A4GALT: variants seen among roughly 807,000 people sequenced by gnomAD.
The protein encoded by A4GALT is lactosylceramide 4-alpha-galactosyltransferase.
For missense variants in A4GALT, 512 were observed against 486.0 expected, an observed-to-expected ratio of 1.05 and a Z score of -0.50; for synonymous variants, 257 against 220.7, an observed-to-expected ratio of 1.16 and a Z score of -1.46.
intron 1 of A4GALT, among the ~76,000 whole-genome samples, chr22:42,699,816 TG>T (rs1232361861): frequency 6.6e-6 from 1 of 152,168 alleles, no homozygotes; most frequent in Non-Finnish European, 1.5e-5. Context: ...TGGGTGTGTC[TG>T]GGGGTGTTTC....
At chr22:42,716,482 G>T (rs1359359219) in intron 1 of A4GALT, among the ~76,000 whole-genome samples, 2 of 152,140 alleles carry the variant, frequency 1.3e-5, no homozygotes, top group African/African-American at 4.8e-5. Flanking sequence ...GCTTTGACTT[G>T]TTCAATCCCT....
intron 1 of A4GALT, among the ~76,000 whole-genome samples, chr22:42,708,487 G>T (rs912697079): frequency 1.3e-5 from 2 of 150,878 alleles, no homozygotes; most frequent in African/African-American, 2.4e-5. Flanking sequence ...CCATGATGGT[G>T]CCACTGCACT....
chr22:42,720,910 C>T (rs1452943297), upstream of A4GALT: 1 of 19,500 alleles, frequency 5.1e-5, no homozygotes, highest in African/African-American at 2.3e-4. Context: ...CCCTCCGGCC[C>T]GGGGCGGGGT....
chr22:42,706,365 A>AG (rs1274624083), intron 1 of A4GALT, among the ~76,000 whole-genome samples: 4 of 151,030 alleles, frequency 2.6e-5, no homozygotes, highest in Admixed American at 6.6e-5. Context: ...AAAAAAAAAA[A>AG]AAAAAAAAAA....
At chr22:42,698,549 C>A (rs947593659) in intron 1 of A4GALT, among the ~76,000 whole-genome samples, 1 of 152,236 alleles carries the variant, frequency 6.6e-6, no homozygotes. Flanking sequence ...CCGCACTGAG[C>A]CCTCCATCCA....
In A4GALT at chr22:42,706,527, G is replaced by A. The variant is rs528934143; in HGVS notation, c.-187-10896C>T. ...AATATAAGAACAGCCGGGTGCGGTC[G>A]CTTACGCCTGTAATCTCAGCACTTT... On this transcript the variant is annotated intron_variant, in intron 1 of 2. Coordinates refer to ENST00000642412, the MANE Select transcript of A4GALT (RefSeq NM_017436.7). 2.0e-5 allele frequency among the ~76,000 whole-genome samples: 3 copies of A among 151,854 alleles called. No homozygotes were observed. The South Asian group carries it at 6.2e-4, about 32-fold the overall frequency.
At position 42,703,057 on chromosome 22, in the gene A4GALT, CTGTGTGTG is replaced by C. The variant is rs71311456; in HGVS notation, c.-187-7434_-187-7427del. On this transcript the variant is annotated intron_variant, in intron 1 of 2. Transcript: ENST00000642412. Reference sequence around the variant, plus strand: ...GCCTTGGCTGGCACATGCTGCCCTGCTGTGTGTGTGTGTGTGTGTGTGTGTGTGAGAGA... The same window carrying C: ...GCCTTGGCTGGCACATGCTGCCCTGCTGTGTGTGTGTGTGTGTGTGAGAGA... Among the ~76,000 whole-genome samples the C allele has an allele frequency of 3.4e-4, 46 of 134,338 alleles. 2 individuals are homozygous for C. The highest frequency in any genetic ancestry group is 1.4e-3 in the African/African-American group (42 of 30,934). The allele number at this position is 134,338 out of a possible 152,430, so 88.1% of individuals were successfully genotyped here.
At chr22:42,703,272 T>A (rs1184437938) in intron 1 of A4GALT, among the ~76,000 whole-genome samples, 2 of 150,692 alleles carry the variant, frequency 1.3e-5, no homozygotes, top group Non-Finnish European at 3.0e-5. Flanking sequence ...TTTTTTTTTT[T>A]TGAGACAGAG....
chr22:42,707,906 G>A (rs1442307346), intron 1 of A4GALT, among the ~76,000 whole-genome samples: 2 of 150,990 alleles, frequency 1.3e-5, no homozygotes, highest in African/African-American at 4.9e-5. Context: ...AGGCTGGGGT[G>A]GGAGGATCGT....
Position 42,693,814 on chromosome 22 carries a change from G to C in A4GALT, c.138C>G (p.Pro46=), listed in dbSNP as rs1238903491. 5 of 1,605,362 alleles carry C rather than the reference G, an allele frequency of 3.1e-6. No individual in the cohort carries two copies. The highest frequency in any genetic ancestry group is 1.7e-5 in the Admixed American group (1 of 58,546). ...IMIYWHVVGE[P]KEKGQLYNLP... ...GGTTATAGAGCTGCCCTTTCTCCTT[G>C]GGCTCTCCCACAACGTGCCAGTAGA... The change falls in exon 3 of 3, where the codon CCC becomes CCG. Residue 46 remains proline (P), a synonymous_variant. Transcript: ENST00000642412.
At position 42,720,818 on chromosome 22, in the gene A4GALT, G is replaced by A; in HGVS notation, c.-209C>T. On this transcript the variant is annotated 5_prime_UTR_variant, in exon 1 of 3. Transcript: ENST00000642412. Reference sequence around the variant, plus strand: ...GTACCTCTAGCTCCAGCGGCGGCGGGCGGCGGACAGCGGGGCCCCGGCGGG... The same window carrying A: ...GTACCTCTAGCTCCAGCGGCGGCGGACGGCGGACAGCGGGGCCCCGGCGGG... 1 of 97,432 alleles carries A rather than the reference G, an allele frequency of 1.0e-5. No individual in the cohort carries two copies. Among genetic ancestry groups the A allele is most frequent in the Admixed American group, 1.1e-4 (1 of 8,808 alleles). 6.0% of individuals were successfully genotyped at this position (97,432 alleles called of 1,614,324 possible).
chr22:42,692,370 T>C lies in A4GALT; in HGVS notation c.*520A>G. On this transcript the variant is annotated 3_prime_UTR_variant, in exon 3 of 3. Transcript: ENST00000642412. This position sits in a 1 kb window ranked among gnomAD's most constrained non-coding sequence, Gnocchi z 4.6. ...ACTTCTGGGCCTCTGCCCCACTCAG[T>C]CCCTGTTGACCTCCCCCACCCCCCG... is the stretch of plus-strand genomic sequence containing the variant. 3.3e-6 allele frequency: 1 copy of C among 306,358 alleles called. No individual in the cohort carries two copies. The highest frequency in any genetic ancestry group is 6.4e-6 in the Non-Finnish European group (1 of 156,074). The allele number at this position is 306,358 out of a possible 1,614,324, so 19.0% of individuals were successfully genotyped here.
chr22:42,692,595 A>T lies in A4GALT; in HGVS notation c.*295T>A, dbSNP rs1223248064. On this transcript the variant is annotated 3_prime_UTR_variant, in exon 3 of 3. Coordinates refer to ENST00000642412, the MANE Select transcript of A4GALT (RefSeq NM_017436.7). This position sits in a 1 kb window ranked among gnomAD's most constrained non-coding sequence, Gnocchi z 4.6. ...TCCCAACTGCCTGGCTTTCCGCACC[A>T]CCTGGGGGTGCCCTGAGGTTCATCC... 5 of 552,520 alleles carry T rather than the reference A, an allele frequency of 9.0e-6. 1 individual carries two copies. The highest frequency in any genetic ancestry group is 7.8e-5 in the South Asian group (5 of 64,508). The allele number at this position is 552,520 out of a possible 1,614,324, so 34.2% of individuals were successfully genotyped here. A position where few individuals can be genotyped will look rare whatever the true frequency, so the allele number is the denominator to read the frequency against.
At position 42,705,706 on chromosome 22, in the gene A4GALT, T is replaced by C. The variant is rs1921018805; in HGVS notation, c.-187-10075A>G. ...CATGAATTTAAAAATAAAAACACTTTAAAAAGTAATTCCAGGCCAGGTGCG... is the reference window on the plus strand; with the variant it reads ...CATGAATTTAAAAATAAAAACACTTCAAAAAGTAATTCCAGGCCAGGTGCG... On this transcript the variant is annotated intron_variant, in intron 1 of 2. Transcript: ENST00000642412. Among the ~76,000 whole-genome samples, 2 of 124,684 alleles carry C rather than the reference T, an allele frequency of 1.6e-5. 1 individual carries two copies. The highest frequency in any genetic ancestry group is 5.2e-5 in the African/African-American group (2 of 38,562). 81.8% of individuals were successfully genotyped at this position (124,684 alleles called of 152,430 possible). A position where few individuals can be genotyped will look rare whatever the true frequency, so the allele number is the denominator to read the frequency against.
At chr22:42,695,950 T>G (rs544936428) in intron 1 of A4GALT, among the ~76,000 whole-genome samples, 2 of 151,794 alleles carry the variant, frequency 1.3e-5, no homozygotes, top group South Asian at 4.2e-4. Flanking sequence ...TGGTGAAACC[T>G]CGTCTCTACT....
chr22:42,720,189 C>T (rs1486852971), intron 1 of A4GALT, among the ~76,000 whole-genome samples: 1 of 152,188 alleles, frequency 6.6e-6, no homozygotes, highest in Non-Finnish European at 1.5e-5. Context: ...GCGACTCCAA[C>T]CGGCTCGCCC....
At position 42,697,221 on chromosome 22, in the gene A4GALT, G is replaced by A. The variant is rs576480582; in HGVS notation, c.-187-1590C>T. On this transcript the variant is annotated intron_variant, in intron 1 of 2. Coordinates refer to ENST00000642412, the MANE Select transcript of A4GALT (RefSeq NM_017436.7). ...AGTAAATGAATGAATGAGTGAACGA[G>A]TGAGTGACCAGTAAGAGTGAACCAA... 9.9e-5 allele frequency among the ~76,000 whole-genome samples: 15 copies of A among 152,228 alleles called. No homozygotes were observed. The South Asian group carries it at 3.1e-3, about 32-fold the overall frequency.
In A4GALT at chr22:42,693,155, C is replaced by A. The variant is rs1314708553; in HGVS notation, c.797G>T (p.Ser266Ile). ...GCGGCAGGCGCGGCTCTCGGCCAGG[C>A]TGCGGATGGAACACCACTTCTTGAA... ...RVFKKWCSIRSLAESRACRGV... is the reference protein window; with the variant it reads ...RVFKKWCSIRILAESRACRGV... The change falls in exon 3 of 3, where the codon AGC (serine) becomes ATC (isoleucine). Residue 266 changes from serine to isoleucine, a missense_variant. Physicochemically the swap from Ser to Ile is moderately radical, Grantham distance 142. Coordinates refer to ENST00000642412, the MANE Select transcript of A4GALT (RefSeq NM_017436.7). 1.9e-6 allele frequency: 3 copies of A among 1,598,020 alleles called. No individual in the cohort carries two copies. The highest frequency in any genetic ancestry group is 2.7e-5 in the African/African-American group (2 of 74,546).
At chr22:42,711,018 C>G (rs11704145) in intron 1 of A4GALT, among the ~76,000 whole-genome samples, 51,502 of 149,404 alleles carry the variant, frequency 0.34, 9,958 homozygotes, top group South Asian at 0.45. Flanking sequence ...CAGCAGGACT[C>G]TGTCTCAAAA....
Sources: allele counts gnomAD v4.1 joint callset (sites outside exome capture counted in the v4.1 genomes callset), GRCh38; gene constraint gnomAD v4.1.1; non-coding constraint Gnocchi (gnomAD v3.1); transcripts MANE v1.5; gene names NCBI Gene and HGNC (gene_info 2026-07-23, HGNC 2026-07-21).